The following THADA variants were observed in gnomAD, a reference collection of about 807,000 sequenced individuals.
THADA encodes THADA armadillo repeat containing.
Under a neutral mutation model 219.8 loss-of-function variants are expected in THADA, and 213 were observed. The ratio of observed to expected loss-of-function variants is 0.97; its 90% CI spans 0.87 to 1.09. The LOEUF (loss-of-function observed/expected upper bound fraction) is 1.09, where lower values mean the gene tolerates loss of function less well. Among genes scored for constraint, THADA ranks in the 50% least tolerant of loss-of-function variants. The pLI is 0.00. For synonymous variants in THADA, 1,018 were observed against 828.9 expected, an observed-to-expected ratio of 1.23 and a Z score of -3.92; for missense variants, 2,956 against 2,311.3, an observed-to-expected ratio of 1.28 and a Z score of -5.72.
At chr2:43,524,352 TA>T (rs1692886810) in intron 22 of THADA, among the ~76,000 whole-genome samples, 2 of 152,254 alleles carry the variant, frequency 1.3e-5, no homozygotes, top group South Asian at 4.1e-4. Flanking sequence ...TGCATAATCC[TA>T]TTAAAAACCA....
intron 30 of THADA, among the ~76,000 whole-genome samples, chr2:43,342,083 C>T (rs553555413): frequency 1.8e-3 from 280 of 152,258 alleles, no homozygotes; most frequent in African/African-American, 6.2e-3. Context: ...GGCATAGTGG[C>T]GTGTGCCTGT....
chr2:43,533,295 T>C (rs1227060238), intron 21 of THADA, among the ~76,000 whole-genome samples: 1 of 152,034 alleles, frequency 6.6e-6, no homozygotes, highest in Non-Finnish European at 1.5e-5. Context: ...TTGGTGGGAG[T>C]GTAAATTAGT....
chr2:43,396,573 G>C (rs879321392), intron 29 of THADA, among the ~76,000 whole-genome samples: 4 of 152,132 alleles, frequency 2.6e-5, no homozygotes, highest in Non-Finnish European at 5.9e-5. Context: ...GGCTGAGGTG[G>C]GCGGATCACT....
intron 36 of THADA, among the ~76,000 whole-genome samples, chr2:43,273,916 G>GT (rs1011969972): frequency 1.3e-5 from 2 of 152,182 alleles, no homozygotes; most frequent in East Asian, 1.9e-4. Context: ...TGCAGATGTT[G>GT]TTTTTTTCCT....
At chr2:43,516,683 T>C (rs568420935) in intron 22 of THADA, among the ~76,000 whole-genome samples, 2 of 152,290 alleles carry the variant, frequency 1.3e-5, no homozygotes, top group East Asian at 3.9e-4. Context: ...AGAATTAAAA[T>C]GTATATTGAC....
chr2:43,554,129 T>C (rs988126669), intron 17 of THADA, among the ~76,000 whole-genome samples: 101 of 152,224 alleles, frequency 6.6e-4, no homozygotes, highest in African/African-American at 2.2e-3. Flanking sequence ...GTCCAATTTA[T>C]CTTTTGTTTC....
intron 29 of THADA, among the ~76,000 whole-genome samples, chr2:43,344,668 G>C (rs553398757): frequency 1.3e-5 from 2 of 152,286 alleles, no homozygotes; most frequent in South Asian, 4.1e-4. Flanking sequence ...TTACATGTCT[G>C]AGTTCATTAG....
chr2:43,283,075 T>C (rs1178401786), intron 35 of THADA, among the ~76,000 whole-genome samples: 1 of 152,186 alleles, frequency 6.6e-6, no homozygotes, highest in Non-Finnish European at 1.5e-5. Flanking sequence ...TCTCACAAGA[T>C]CTGATGGTTT....
chr2:43,430,271 G>C lies in THADA; in HGVS notation c.3868C>G (p.Pro1290Ala). 6.5e-7 allele frequency: 1 copy of C among 1,549,906 alleles called. No homozygotes were observed. The highest frequency in any genetic ancestry group is 8.7e-7 in the Non-Finnish European group (1 of 1,146,526). ...MTGREFFSRFPELYPFLLKQL... is the reference protein window; with the variant it reads ...MTGREFFSRFAELYPFLLKQL... Reference sequence around the variant, plus strand: ...TTGAGAAGAAAAGGATAGAGTTCTGGGAAACGAGAGAAAAACTCTCTCCCT... The same window carrying C: ...TTGAGAAGAAAAGGATAGAGTTCTGCGAAACGAGAGAAAAACTCTCTCCCT... Residue 1290 changes from proline to alanine, a missense_variant, in exon 27 of 38, where the codon CCA becomes GCA. By Grantham distance (27) the Pro-to-Ala change is conservative (BLOSUM62 -1). Transcript: ENST00000405975.
chr2:43,322,671 A>ATTTT (rs1558578392), intron 30 of THADA, among the ~76,000 whole-genome samples: 2 of 79,884 alleles, frequency 2.5e-5, no homozygotes, highest in African/African-American at 9.8e-5. Context: ...AGCACATTCT[A>ATTTT]TTCTTTTTTT....
intron 26 of THADA, among the ~76,000 whole-genome samples, chr2:43,478,092 C>G (rs141127892): frequency 5.6e-4 from 85 of 152,268 alleles, no homozygotes; most frequent in Middle Eastern, 3.4e-3. Context: ...GGTCTTACCT[C>G]TCAATAAATG....
At position 43,476,178 on chromosome 2, in the gene THADA, A is replaced by G. The variant is rs527568508; in HGVS notation, c.3836+9056T>C. 2.0e-5 allele frequency among the ~76,000 whole-genome samples: 3 copies of G among 152,360 alleles called. No homozygotes were observed. The South Asian group carries it at 6.2e-4, about 32-fold the overall frequency. ...GCTAAGATGTTAACTCTGGCCAACA[A>G]GATATGAAGAAAAGTGTGTAGAGTG... On this transcript the variant is annotated intron_variant, in intron 26 of 37. Coordinates refer to ENST00000405975, the MANE Select transcript of THADA (RefSeq NM_022065.5).
In THADA at chr2:43,248,204, GAGAGA is replaced by G. The variant is rs777010558; in HGVS notation, c.5297-15327_5297-15323del. ...AGAGAGAGAGAGAGAGAGAGAGAGA[GAGAGA>G]GAGAGACAGAGAGAGAGAGAGACAG... On this transcript the variant is annotated intron_variant, in intron 36 of 37. Transcript: ENST00000405975. Among the ~76,000 whole-genome samples, 96 of 133,620 alleles carry G rather than the reference GAGAGA, an allele frequency of 7.2e-4. 1 individual carries two copies. The highest frequency in any genetic ancestry group is 8.0e-3 in the Middle Eastern group (2 of 250). The allele number at this position is 133,620 out of a possible 152,430, so 87.7% of individuals were successfully genotyped here. A position where few individuals can be genotyped will look rare whatever the true frequency, so the allele number is the denominator to read the frequency against.
intron 21 of THADA, among the ~76,000 whole-genome samples, chr2:43,538,138 G>C (rs1399614832): frequency 6.6e-6 from 1 of 152,134 alleles, no homozygotes; most frequent in Non-Finnish European, 1.5e-5. Context: ...ACTCCAGGTG[G>C]AGGAAGCTGT....
At chr2:43,483,215 T>C (rs1686455100) in intron 26 of THADA, among the ~76,000 whole-genome samples, 1 of 152,156 alleles carries the variant, frequency 6.6e-6, no homozygotes, top group Non-Finnish European at 1.5e-5. Flanking sequence ...AACCAAGATA[T>C]CATTATTACT....
chr2:43,556,917 A>G lies in THADA; in HGVS notation c.2464-362T>C, dbSNP rs147696848. On this transcript the variant is annotated intron_variant, in intron 16 of 37. Transcript: ENST00000405975. Reference sequence around the variant, plus strand: ...AAAAAACTTACTCTACAAAAACTCTACGAAAAACCTTAAAAATTAGCTGGG... The same window carrying G: ...AAAAAACTTACTCTACAAAAACTCTGCGAAAAACCTTAAAAATTAGCTGGG... 2.2e-3 allele frequency among the ~76,000 whole-genome samples: 332 copies of G among 152,176 alleles called. 1 individual carries two copies. Among genetic ancestry groups the G allele is most frequent in the African/African-American group, 7.5e-3 (313 of 41,508 alleles).
At chr2:43,507,670 G>A (rs1689854433) in intron 23 of THADA, among the ~76,000 whole-genome samples, 1 of 152,048 alleles carries the variant, frequency 6.6e-6, no homozygotes, top group East Asian at 1.9e-4. Context: ...GTAGGGGCAT[G>A]AAAAAAATCA....
chr2:43,460,959 T>C (rs916334799), intron 26 of THADA, among the ~76,000 whole-genome samples: 10 of 152,022 alleles, frequency 6.6e-5, no homozygotes, highest in African/African-American at 1.9e-4. Context: ...GGGGAGGCTG[T>C]AGGAGGAGGA....
At chr2:43,315,672 GC>G (rs1435836756) in intron 31 of THADA, among the ~76,000 whole-genome samples, 1 of 152,008 alleles carries the variant, frequency 6.6e-6, no homozygotes, top group African/African-American at 2.4e-5. Context: ...TTGCTATGTT[GC>G]CCAGGCTTAT....
Sources: allele counts gnomAD v4.1 joint callset (sites outside exome capture counted in the v4.1 genomes callset), GRCh38; gene constraint gnomAD v4.1.1; transcripts MANE v1.5; gene names NCBI Gene and HGNC (gene_info 2026-07-23, HGNC 2026-07-21).